DEFB112: variants seen among roughly 807,000 people sequenced by gnomAD.
DEFB112 encodes beta-defensin 112.
A neutral mutation model predicts 1.1 loss-of-function variants in DEFB112; 2 were observed. The observed-to-expected ratio is 1.85, with a 90% CI of 0.76 to 5.83. The LOEUF (loss-of-function observed/expected upper bound fraction) is 5.83, where lower values mean the gene tolerates loss of function less well. DEFB112 is among the 30% of genes most tolerant of loss of function. DEFB112 has a pLI of 0.05. For synonymous variants in DEFB112, 40 were observed against 31.2 expected, an observed-to-expected ratio of 1.28 and a Z score of -0.93; for missense variants, 120 against 94.4, an observed-to-expected ratio of 1.27 and a Z score of -1.12.
rs1263229933 is a variant in DEFB112 at position 50,042,113 on chromosome 6, C to T, written c.*1462G>A. Reference sequence around the variant, plus strand: ...GCACACATTAATACAATTATAGCAGCTTTATTCATAATTTTCATCTATCCT... The same window carrying T: ...GCACACATTAATACAATTATAGCAGTTTTATTCATAATTTTCATCTATCCT... On this transcript the variant is annotated 3_prime_UTR_variant, in exon 2 of 2. Transcript: ENST00000651554. Among the ~76,000 whole-genome samples the T allele has an allele frequency of 6.6e-6, 1 of 151,856 alleles. No homozygotes were observed. The highest frequency in any genetic ancestry group is 1.5e-5 in the Non-Finnish European group (1 of 67,902).
Position 50,042,614 on chromosome 6 carries a change from A to G in DEFB112, c.*961T>C, listed in dbSNP as rs181967445. Among the ~76,000 whole-genome samples the G allele has an allele frequency of 6.6e-6, 1 of 152,064 alleles. No homozygotes were observed. ...ACATACCAAGCCCTGCAAAACCATC[A>G]CCTATTTTTAGAGTTGATATTTCAA... is the stretch of plus-strand genomic sequence containing the variant. On this transcript the variant is annotated 3_prime_UTR_variant, in exon 2 of 2. Coordinates refer to ENST00000651554, the MANE Select transcript of DEFB112 (RefSeq NM_001369057.2).
In DEFB112 at chr6:50,042,257, A is replaced by G. The variant is rs1774755837; in HGVS notation, c.*1318T>C. On this transcript the variant is annotated 3_prime_UTR_variant, in exon 2 of 2. Coordinates refer to ENST00000651554, the MANE Select transcript of DEFB112 (RefSeq NM_001369057.2). ...AATAGGGTTATTTAGCTCCAAATTG[A>G]CACTGGTCAGAGAGCATAGTATTAT... Among the ~76,000 whole-genome samples the G allele has an allele frequency of 1.3e-5, 2 of 151,980 alleles. No individual in the cohort carries two copies. The highest frequency in any genetic ancestry group is 1.3e-4 in the Admixed American group (2 of 15,226).
rs867613489 is a variant in DEFB112 at position 50,046,947 on chromosome 6, G to A, written c.58+2865C>T. 7.6e-4 allele frequency among the ~76,000 whole-genome samples: 115 copies of A among 152,288 alleles called. No homozygotes were observed. The Middle Eastern group carries it at 0.014, about 18-fold the overall frequency. On this transcript the variant is annotated intron_variant, in intron 1 of 1. Transcript: ENST00000651554. ...GAACCTGGAGCCTGTATCCACCGAG[G>A]CTGGCCTCGGGGCTGAGTCCACAGG...
chr6:50,045,980 C>T (rs1376246065), intron 1 of DEFB112, among the ~76,000 whole-genome samples: 1 of 151,974 alleles, frequency 6.6e-6, no homozygotes, highest in East Asian at 1.9e-4. Flanking sequence ...CTGTTTTATG[C>T]TTTTAGTACA....
chr6:50,049,077 T>C (rs1419930117), intron 1 of DEFB112, among the ~76,000 whole-genome samples: 1 of 152,120 alleles, frequency 6.6e-6, no homozygotes, highest in Non-Finnish European at 1.5e-5. Context: ...TATTATCTGA[T>C]TTAAATTAAC....
rs190586722 is a variant in DEFB112, at chr6:50,046,927, T to C, written c.58+2885A>G. ...GAGCTGGCCAGGTACTGAGTGAACC[T>C]GGAGCCTGTATCCACCGAGGCTGGC... On this transcript the variant is annotated intron_variant, in intron 1 of 1. Coordinates refer to ENST00000651554, the MANE Select transcript of DEFB112 (RefSeq NM_001369057.2). Among the ~76,000 whole-genome samples the C allele has an allele frequency of 4.6e-5, 7 of 152,296 alleles. No individual in the cohort carries two copies. The East Asian group carries it at 1.4e-3, about 30-fold the overall frequency.
intron 1 of DEFB112, among the ~76,000 whole-genome samples, chr6:50,044,323 A>G (rs1479149902): frequency 6.6e-6 from 1 of 152,178 alleles, no homozygotes; most frequent in Non-Finnish European, 1.5e-5. Context: ...CTAAAAAAAT[A>G]GACACTTTGG....
chr6:50,044,228 T>C (rs1774797906), intron 1 of DEFB112, among the ~76,000 whole-genome samples: 1 of 152,136 alleles, frequency 6.6e-6, no homozygotes, highest in African/African-American at 2.4e-5. Flanking sequence ...AGTTCTAAAA[T>C]ATTGAAAGAT....
rs376539552 is a variant in DEFB112 at position 50,045,297 on chromosome 6, T to C, written c.59-1496A>G. ...ATAAATGCAGAGCCTAATGTAGCACTGTAAATGAAATAGCCATGAGATTAC... is the reference window on the plus strand; with the variant it reads ...ATAAATGCAGAGCCTAATGTAGCACCGTAAATGAAATAGCCATGAGATTAC... On this transcript the variant is annotated intron_variant, in intron 1 of 1. Transcript: ENST00000651554. Among the ~76,000 whole-genome samples, 23 of 152,122 alleles carry C rather than the reference T, an allele frequency of 1.5e-4. No individual in the cohort carries two copies. In the South Asian group the frequency reaches 4.8e-3, roughly 32 times the overall value.
intron 1 of DEFB112, among the ~76,000 whole-genome samples, chr6:50,047,927 C>T (rs1562000207): frequency 6.6e-6 from 1 of 152,096 alleles, no homozygotes; most frequent in African/African-American, 2.4e-5. Flanking sequence ...AGGTAGATCA[C>T]CTCAGGTCAG....
intron 1 of DEFB112, among the ~76,000 whole-genome samples, chr6:50,048,008 G>C (rs1024041107): frequency 6.6e-6 from 1 of 151,864 alleles, no homozygotes; most frequent in Non-Finnish European, 1.5e-5. Context: ...TTAGCGGGGC[G>C]TGGTGGTGGG....
chr6:50,047,522 G>C (rs1175327432), intron 1 of DEFB112, among the ~76,000 whole-genome samples: 1 of 152,108 alleles, frequency 6.6e-6, no homozygotes, highest in Non-Finnish European at 1.5e-5. Context: ...CCCAAGTGCT[G>C]TAATCTCTCA....
intron 1 of DEFB112, among the ~76,000 whole-genome samples, chr6:50,048,338 G>A (rs998990071): frequency 2.0e-5 from 3 of 151,946 alleles, no homozygotes; most frequent in African/African-American, 4.8e-5. Flanking sequence ...CAAAAAAATC[G>A]GCCTCTACAA....
In DEFB112 at chr6:50,046,133, A is replaced by C. The variant is rs142616104; in HGVS notation, c.59-2332T>G. Among the ~76,000 whole-genome samples, 1,451 of 151,978 alleles carry C rather than the reference A, an allele frequency of 9.5e-3. 27 individuals carry two copies. The highest frequency in any genetic ancestry group is 0.033 in the African/African-American group (1,376 of 41,480). ...AGCTAAGCTATGATGTTCTGCCAGT[A>C]GGGTGTATTAAATCCACTTTCAATT... On this transcript the variant is annotated intron_variant, in intron 1 of 1. Transcript: ENST00000651554.
intron 1 of DEFB112, chr6:50,048,684 T>C (rs1774879400): frequency 1.3e-6 from 2 of 1,494,390 alleles, no homozygotes; most frequent in Non-Finnish European, 1.8e-6. Context: ...GAGCTCACTG[T>C]AAAGTGAAAA....
At chr6:50,045,061 A>T (rs613581) in intron 1 of DEFB112, among the ~76,000 whole-genome samples, 3 of 151,890 alleles carry the variant, frequency 2.0e-5, no homozygotes, top group South Asian at 2.1e-4. Context: ...CATCTAGGAG[A>T]CAGCACTTTA....
chr6:50,048,328 C>A (rs1774870311), intron 1 of DEFB112, among the ~76,000 whole-genome samples: 1 of 151,994 alleles, frequency 6.6e-6, no homozygotes, highest in Non-Finnish European at 1.5e-5. Flanking sequence ...AGCATTTTAT[C>A]AAAAAAATCG....
At chr6:50,048,738 A>G in intron 1 of DEFB112, 1 of 918,056 alleles carries the variant, frequency 1.1e-6, no homozygotes, top group Non-Finnish European at 1.7e-6. Context: ...AGAAATAAGG[A>G]CACAAATGTA....
chr6:50,045,284 C>T (rs1012555155), intron 1 of DEFB112, among the ~76,000 whole-genome samples: 2 of 151,874 alleles, frequency 1.3e-5, no homozygotes, highest in South Asian at 4.2e-4. Flanking sequence ...AAATGCAGAG[C>T]CTAATGTAGC....
Sources: allele counts gnomAD v4.1 joint callset (sites outside exome capture counted in the v4.1 genomes callset), GRCh38; gene constraint gnomAD v4.1.1; transcripts MANE v1.5; gene names NCBI Gene and HGNC (gene_info 2026-07-23, HGNC 2026-07-21).